Variants in TRHDE observed in about 807,000 individuals in gnomAD.
The protein encoded by TRHDE is thyrotropin-releasing hormone-degrading ectoenzyme.
A neutral mutation model predicts 125.7 loss-of-function variants in TRHDE; 72 were observed. The observed-to-expected ratio is 0.57, with a 90% confidence interval of 0.47 to 0.70. The LOEUF is 0.70. TRHDE is among the 30% of genes least tolerant of loss of function. The probability of loss-of-function intolerance (pLI) is 0.00; values close to 1 mark genes in which losing one functional copy is unlikely to be tolerated. For missense variants in TRHDE, 1,110 were observed against 1,327.1 expected (o/e 0.84, Z 2.54); for synonymous variants, 509 against 509.1 (o/e 1.00, Z 0.00).
At chr12:72,095,412 G>A (rs1874891564) in intron 1 of TRHDE, among the ~76,000 whole-genome samples, 1 of 152,158 alleles carries the variant, frequency 6.6e-6, no homozygotes, top group Admixed American at 6.5e-5. Flanking sequence ...GATGAGAAAG[G>A]AGATTAAAAA....
intron 15 of TRHDE, among the ~76,000 whole-genome samples, chr12:72,651,167 T>C (rs1322808920): frequency 6.6e-6 from 1 of 152,136 alleles, no homozygotes; most frequent in African/African-American, 2.4e-5. Flanking sequence ...TCCAAATACT[T>C]TATTTGCTGA....
At chr12:72,575,112 TA>T in intron 10 of TRHDE, 142 bp from the exon 11 acceptor site, 1 of 745,870 alleles carries the variant, frequency 1.3e-6, no homozygotes, top group Non-Finnish European at 2.1e-6. Flanking sequence ...TGCAAGTGAT[TA>T]ATTAAAGAGT....
At chr12:72,194,331 C>T (rs1251100215) in intron 2 of TRHDE, among the ~76,000 whole-genome samples, 1 of 152,078 alleles carries the variant, frequency 6.6e-6, no homozygotes, top group Non-Finnish European at 1.5e-5. Flanking sequence ...ACCAAGACCT[C>T]TCATTTGTAC....
At chr12:72,374,682 G>A (rs1233180344) in intron 2 of TRHDE, among the ~76,000 whole-genome samples, 1 of 152,130 alleles carries the variant, frequency 6.6e-6, no homozygotes, top group Non-Finnish European at 1.5e-5. Context: ...GGAAGTGATC[G>A]ATCAACTGTG....
At chr12:72,544,022 A>G (rs1376963368) in intron 7 of TRHDE, among the ~76,000 whole-genome samples, 1 of 151,020 alleles carries the variant, frequency 6.6e-6, no homozygotes, top group Non-Finnish European at 1.5e-5. Flanking sequence ...CTGATACTTG[A>G]TATGGTTAAT....
chr12:72,211,881 A>G (rs1055188164), intron 2 of TRHDE, among the ~76,000 whole-genome samples: 6 of 152,156 alleles, frequency 3.9e-5, no homozygotes, highest in Non-Finnish European at 7.4e-5. Flanking sequence ...GCTCTTATGC[A>G]GCTGAAACAC....
At chr12:72,350,446 A>C (rs1870531823) in intron 2 of TRHDE, among the ~76,000 whole-genome samples, 2 of 152,068 alleles carry the variant, frequency 1.3e-5, no homozygotes, top group South Asian at 4.1e-4. Context: ...AATATATTAT[A>C]ATCTTCTTTT....
At chr12:72,603,477 G>A (rs1478394028) in intron 12 of TRHDE, among the ~76,000 whole-genome samples, 1 of 152,138 alleles carries the variant, frequency 6.6e-6, no homozygotes, top group African/African-American at 2.4e-5. Flanking sequence ...TGTAATCCCA[G>A]CACTTTGGGA....
intron 6 of TRHDE, among the ~76,000 whole-genome samples, chr12:72,533,619 C>T (rs1868679829): frequency 6.8e-6 from 1 of 147,604 alleles, no homozygotes; most frequent in African/African-American, 2.5e-5. Context: ...TTCTTTTTTA[C>T]CTCTATTACT....
intron 15 of TRHDE, among the ~76,000 whole-genome samples, chr12:72,633,444 T>C (rs1423384300): frequency 2.0e-5 from 3 of 152,152 alleles, no homozygotes; most frequent in African/African-American, 7.2e-5. Context: ...CATTGCAGAC[T>C]GTTTTTTGGA....
At chr12:72,509,728 C>T (rs1878506307) in intron 6 of TRHDE, among the ~76,000 whole-genome samples, 1 of 152,142 alleles carries the variant, frequency 6.6e-6, no homozygotes, top group Admixed American at 6.5e-5. Context: ...TGAATGTGAG[C>T]TTCATAAAGG....
chr12:72,135,947 A>G (rs79688421), intron 2 of TRHDE, among the ~76,000 whole-genome samples: 1,590 of 152,146 alleles, frequency 0.01, 18 homozygotes, highest in South Asian at 0.027. Context: ...TCCTGGAGAC[A>G]TCTGCTCTTC....
At chr12:72,534,565 G>T (rs1489864024) in intron 6 of TRHDE, among the ~76,000 whole-genome samples, 1 of 151,868 alleles carries the variant, frequency 6.6e-6, no homozygotes, top group Non-Finnish European at 1.5e-5. Context: ...TGGGGGGCAG[G>T]GAGCTAGCAT....
chr12:72,286,579 A>G, intron 1 of TRHDE, 102 bp from the exon 2 acceptor site: 1 of 1,156,930 alleles, frequency 8.6e-7, no homozygotes, highest in Non-Finnish European at 1.2e-6. Flanking sequence ...AAAATATTGC[A>G]ATTTGGAATA....
chr12:72,403,978 G>A (rs546092206), intron 3 of TRHDE, among the ~76,000 whole-genome samples: 11 of 152,130 alleles, frequency 7.2e-5, no homozygotes, highest in African/African-American at 1.9e-4. Context: ...GAAGTTTGTC[G>A]TTTTTACAAG....
At chr12:72,193,441 A>G (rs894559730) in intron 2 of TRHDE, among the ~76,000 whole-genome samples, 1 of 152,178 alleles carries the variant, frequency 6.6e-6, no homozygotes, top group Non-Finnish European at 1.5e-5. Context: ...ATTCAATTTC[A>G]GTCTGTGACA....
At chr12:72,354,869 G>A (rs1304146725) in intron 2 of TRHDE, among the ~76,000 whole-genome samples, 3 of 151,330 alleles carry the variant, frequency 2.0e-5, no homozygotes, top group African/African-American at 4.8e-5. Context: ...TTGCCCAGAG[G>A]AGCTGTAATC....
intron 2 of TRHDE, among the ~76,000 whole-genome samples, chr12:72,328,042 C>A (rs1427419914): frequency 2.6e-5 from 4 of 152,080 alleles, no homozygotes; most frequent in Admixed American, 6.5e-5. Context: ...GTGTAAATGG[C>A]CCACGAGTAT....
chr12:72,586,175 T>C (rs1216067811), intron 12 of TRHDE, among the ~76,000 whole-genome samples: 1 of 152,152 alleles, frequency 6.6e-6, no homozygotes, highest in Admixed American at 6.5e-5. Context: ...AAAATAAGCA[T>C]TTTACATTAT....
Sources: allele counts gnomAD v4.1 joint callset (sites outside exome capture counted in the v4.1 genomes callset), GRCh38; gene constraint gnomAD v4.1.1; transcripts MANE v1.5; gene names NCBI Gene and HGNC (gene_info 2026-07-23, HGNC 2026-07-21).